Variants in APMAP observed in about 807,000 individuals in gnomAD.
The protein encoded by APMAP is adipocyte plasma membrane-associated protein.
APMAP carries 33 observed loss-of-function variants against 43.6 expected under a neutral mutation model. The ratio of observed to expected loss-of-function variants is 0.76; its 90% CI spans 0.57 to 1.01. The LOEUF is 1.01. Among genes scored for constraint, APMAP ranks in the 50% least tolerant of loss-of-function variants. The pLI is 0.00. For synonymous variants in APMAP, 224 were observed against 216.7 expected (o/e 1.03, Z -0.30); for missense variants, 498 against 540.7 (o/e 0.92, Z 0.78).
rs371515758 is a variant in APMAP, at chr20:24,969,107, G to C, written c.849-23C>G. On this transcript the variant is annotated intron_variant, in intron 7 of 8. Coordinates refer to ENST00000217456, the MANE Select transcript of APMAP (RefSeq NM_020531.3). ...ACTCTGAAAAATTCACCCAAGCAGA[G>C]AGTGAACCATAGCCCCTCAATTTCA... 3.9e-6 allele frequency: 6 copies of C among 1,558,014 alleles called. No homozygotes were observed. In the African/African-American group the frequency reaches 8.3e-5, roughly 21 times the overall value.
chr20:24,965,966 G>A (rs1443176217), intron 8 of APMAP, among the ~76,000 whole-genome samples: 1 of 152,198 alleles, frequency 6.6e-6, no homozygotes, highest in East Asian at 1.9e-4. Flanking sequence ...AGTGGTGTGT[G>A]TGTGTGATGT....
intron 5 of APMAP, 152 bp downstream of exon 5, chr20:24,971,308 T>C: frequency 3.0e-6 from 2 of 666,326 alleles, no homozygotes; most frequent in Non-Finnish European, 4.8e-6. Flanking sequence ...TAGCTGACTT[T>C]TGCAGGCAAT....
chr20:24,979,901 C>G (rs1046324282), intron 2 of APMAP, among the ~76,000 whole-genome samples: 2 of 152,158 alleles, frequency 1.3e-5, no homozygotes, highest in Admixed American at 6.5e-5. Flanking sequence ...TTCACACCAG[C>G]TCTTTGCTCC....
chr20:24,990,348 A>G (rs2088181404), intron 1 of APMAP, among the ~76,000 whole-genome samples: 1 of 152,088 alleles, frequency 6.6e-6, no homozygotes, highest in African/African-American at 2.4e-5. Flanking sequence ...TTCTTCATTC[A>G]TTTTCATTTC....
chr20:24,965,563 C>T (rs1213196206), intron 8 of APMAP, among the ~76,000 whole-genome samples: 5 of 152,232 alleles, frequency 3.3e-5, no homozygotes, highest in Middle Eastern at 3.4e-3. Flanking sequence ...AGGGCCCACA[C>T]GGGGTGAGGA....
At chr20:24,977,997 C>A (rs1411455442) in intron 3 of APMAP, among the ~76,000 whole-genome samples, 1 of 152,174 alleles carries the variant, frequency 6.6e-6, no homozygotes, top group African/African-American at 2.4e-5. Flanking sequence ...AGAAGAGAGG[C>A]CACTGACCGG....
chr20:24,964,765 A>T (rs780775365), intron 8 of APMAP, among the ~76,000 whole-genome samples: 3 of 152,208 alleles, frequency 2.0e-5, no homozygotes, highest in Non-Finnish European at 4.4e-5. Context: ...AATGGAAATT[A>T]ACAGACAGAT....
intron 8 of APMAP, among the ~76,000 whole-genome samples, chr20:24,964,945 G>A (rs6138435): frequency 6.6e-6 from 1 of 151,910 alleles, no homozygotes. Context: ...CCACTACCTA[G>A]GAAATGCCAT....
chr20:24,967,336 T>C (rs913380576), intron 8 of APMAP, among the ~76,000 whole-genome samples: 2 of 152,204 alleles, frequency 1.3e-5, no homozygotes, highest in Non-Finnish European at 2.9e-5. Flanking sequence ...TTGGATTACA[T>C]TTTGAATAAA....
chr20:24,973,385 C>T (rs1301271167), intron 4 of APMAP, among the ~76,000 whole-genome samples: 6 of 152,158 alleles, frequency 3.9e-5, no homozygotes, highest in African/African-American at 7.2e-5. Context: ...TGGTGAGGGG[C>T]GAGGCCCATG....
At chr20:24,971,697 C>T (rs2088002573) in intron 4 of APMAP, 121 bp from the exon 5 acceptor site, 1 of 851,916 alleles carries the variant, frequency 1.2e-6, no homozygotes, top group Admixed American at 2.1e-5. Context: ...CAAGACAAGA[C>T]CATGGCATTA....
At chr20:24,982,521 C>T (rs1000324029) in intron 2 of APMAP, among the ~76,000 whole-genome samples, 1 of 152,236 alleles carries the variant, frequency 6.6e-6, no homozygotes, top group African/African-American at 2.4e-5. Context: ...GCCACATACC[C>T]CATTTCCCAA....
chr20:24,971,693 A>C (rs911101352), intron 4 of APMAP, 117 bp from the exon 5 acceptor site: 7 of 870,364 alleles, frequency 8.0e-6, no homozygotes, highest in Non-Finnish European at 1.3e-5. Context: ...AGAACAAGAC[A>C]AGACCATGGC....
intron 1 of APMAP, among the ~76,000 whole-genome samples, chr20:24,991,211 T>C (rs1006117557): frequency 5.9e-5 from 9 of 152,212 alleles, no homozygotes; most frequent in Admixed American, 5.9e-4. Flanking sequence ...GCTCTTCCAT[T>C]TCTCAGGTAA....
intron 3 of APMAP, among the ~76,000 whole-genome samples, chr20:24,977,235 T>A (rs1164954543): frequency 5.9e-5 from 9 of 152,222 alleles, no homozygotes; most frequent in African/African-American, 2.2e-4. Flanking sequence ...ACCCTTGTGG[T>A]GGGGGATGTT....
At chr20:24,991,662 T>C (rs576047665) in intron 1 of APMAP, among the ~76,000 whole-genome samples, 2 of 152,324 alleles carry the variant, frequency 1.3e-5, no homozygotes, top group African/African-American at 4.8e-5. Context: ...TGAACAAATA[T>C]TTCCAGTATT....
intron 2 of APMAP, among the ~76,000 whole-genome samples, chr20:24,981,399 C>T (rs2088103688): frequency 6.6e-6 from 1 of 152,172 alleles, no homozygotes; most frequent in Admixed American, 6.5e-5. Context: ...AGAGAAGTGA[C>T]CCACTGTGAC....
At chr20:24,989,813 T>C (rs992304838) in intron 1 of APMAP, among the ~76,000 whole-genome samples, 8 of 152,174 alleles carry the variant, frequency 5.3e-5, no homozygotes, top group Non-Finnish European at 1.0e-4. Flanking sequence ...TCCAGCTGCC[T>C]TACTCCTCAT....
rs764577329 is a variant in APMAP at position 24,992,714 on chromosome 20, G to A, written c.-26C>T. ...GGTACGGGCGCCAGCCTCACCCGCA[G>A]AAACCACCTCACACTGAGCGGCGCC... On this transcript the variant is annotated 5_prime_UTR_variant, in exon 1 of 9. Transcript: ENST00000217456. 5.6e-5 allele frequency: 84 copies of A among 1,492,444 alleles called. No individual in the cohort carries two copies. Among genetic ancestry groups the A allele is most frequent in the Non-Finnish European group, 7.2e-5 (81 of 1,117,928 alleles). 92.5% of individuals were successfully genotyped at this position (1,492,444 alleles called of 1,614,324 possible). A position where few individuals can be genotyped will look rare whatever the true frequency, so the allele number is the denominator to read the frequency against.
Sources: gnomAD v4.1 joint callset for allele counts (sites outside exome capture counted in the v4.1 genomes callset) on GRCh38, gnomAD v4.1.1 for gene constraint, MANE v1.5 for transcripts, NCBI Gene and HGNC (gene_info 2026-07-23, HGNC 2026-07-21) for gene names.